Variants in CHST11 observed in about 807,000 individuals in gnomAD.
CHST11 encodes carbohydrate sulfotransferase 11, also known as C4S-1.
In CHST11, 9 loss-of-function variants were observed where a neutral mutation model predicts 30.4. That is an observed-to-expected ratio of 0.30 (90% CI 0.18 to 0.52). CHST11 has a LOEUF of 0.52. Among genes scored for constraint, CHST11 ranks in the 20% least tolerant of loss-of-function variants. The probability of loss-of-function intolerance (pLI) is 0.97; values close to 1 mark genes in which losing one functional copy is unlikely to be tolerated. For synonymous variants in CHST11, 152 were observed against 187.8 expected, an observed-to-expected ratio of 0.81 and a Z score of 1.56; for missense variants, 348 against 460.6, an observed-to-expected ratio of 0.76 and a Z score of 2.24.
At chr12:104,754,436 C>T (rs2040458682) in intron 2 of CHST11, among the ~76,000 whole-genome samples, 1 of 152,172 alleles carries the variant, frequency 6.6e-6, no homozygotes, top group African/African-American at 2.4e-5. Context: ...GCAGTTGGTG[C>T]TGGTCTGCAG....
intron 2 of CHST11, among the ~76,000 whole-genome samples, chr12:104,628,191 C>A (rs1401735295): frequency 1.3e-5 from 2 of 152,198 alleles, no homozygotes; most frequent in Non-Finnish European, 2.9e-5. Context: ...CGCCATTAAA[C>A]CCGAGGTCAG....
At chr12:104,493,801 G>A (rs1236582832) in intron 1 of CHST11, among the ~76,000 whole-genome samples, 1 of 152,220 alleles carries the variant, frequency 6.6e-6, no homozygotes, top group Non-Finnish European at 1.5e-5. Context: ...GCTGCCTGTG[G>A]TATCACATGT....
intron 1 of CHST11, 131 bp downstream of exon 1, chr12:104,457,660 A>G (rs1182181847): frequency 8.2e-6 from 6 of 734,036 alleles, no homozygotes; most frequent in Non-Finnish European, 1.5e-5. Flanking sequence ...CTGGCTGCCC[A>G]GAGCTCCTGG....
At chr12:104,572,664 T>C (rs1025300444) in intron 1 of CHST11, among the ~76,000 whole-genome samples, 4 of 152,200 alleles carry the variant, frequency 2.6e-5, no homozygotes, top group African/African-American at 9.6e-5. Flanking sequence ...TTAAAAAAAC[T>C]AGCTCCTGGA....
chr12:104,649,469 A>G (rs1024408865), intron 2 of CHST11, among the ~76,000 whole-genome samples: 3 of 152,196 alleles, frequency 2.0e-5, no homozygotes, highest in Admixed American at 1.3e-4. Flanking sequence ...GGAAAGGCTC[A>G]GTATCTGCCT....
At chr12:104,540,315 A>T (rs1040117524) in intron 1 of CHST11, among the ~76,000 whole-genome samples, 12 of 152,230 alleles carry the variant, frequency 7.9e-5, no homozygotes, top group African/African-American at 2.4e-4. Flanking sequence ...TAAAATTTTT[A>T]AAATTGTAAT....
At chr12:104,532,072 T>C (rs1325176051) in intron 1 of CHST11, among the ~76,000 whole-genome samples, 1 of 152,216 alleles carries the variant, frequency 6.6e-6, no homozygotes, top group African/African-American at 2.4e-5. Flanking sequence ...ACATCATGTG[T>C]TGGTCTCATC....
At chr12:104,634,187 G>A (rs567660951) in intron 2 of CHST11, among the ~76,000 whole-genome samples, 1 of 152,292 alleles carries the variant, frequency 6.6e-6, no homozygotes, top group South Asian at 2.1e-4. Flanking sequence ...CCACTAGACT[G>A]GAAGCTCCAT....
At chr12:104,475,671 T>TATATATATATAC (rs1173452096) in intron 1 of CHST11, among the ~76,000 whole-genome samples, 41 of 74,182 alleles carry the variant, frequency 5.5e-4, no homozygotes, top group African/African-American at 2.3e-3. Context: ...TATATATATA[T>TATATATATATAC]ATATATATAT....
intron 1 of CHST11, among the ~76,000 whole-genome samples, chr12:104,556,143 C>T (rs949502405): frequency 1.3e-5 from 2 of 152,166 alleles, no homozygotes; most frequent in Non-Finnish European, 2.9e-5. Flanking sequence ...GCAGCTGATG[C>T]TTGTTTATTT....
intron 2 of CHST11, among the ~76,000 whole-genome samples, chr12:104,748,844 C>T (rs1450990144): frequency 6.6e-6 from 1 of 152,156 alleles, no homozygotes; most frequent in East Asian, 1.9e-4. Flanking sequence ...GTCAGAAATT[C>T]TGGGAGGAGA....
At chr12:104,658,811 C>A (rs550862920) in intron 2 of CHST11, among the ~76,000 whole-genome samples, 2 of 152,302 alleles carry the variant, frequency 1.3e-5, no homozygotes, top group African/African-American at 2.4e-5. Context: ...TTTTTATTAA[C>A]TCATGTAATC....
At chr12:104,510,105 C>T (rs1223912274) in intron 1 of CHST11, among the ~76,000 whole-genome samples, 1 of 152,228 alleles carries the variant, frequency 6.6e-6, no homozygotes, top group Non-Finnish European at 1.5e-5. Context: ...CACTTCTTCT[C>T]CCATTCCACT....
intron 1 of CHST11, among the ~76,000 whole-genome samples, chr12:104,597,045 T>G (rs2038912579): frequency 6.6e-6 from 1 of 152,178 alleles, no homozygotes; most frequent in South Asian, 2.1e-4. Flanking sequence ...CCAGCAGCAC[T>G]GAGAGGGGTC....
At chr12:104,616,760 G>A (rs570335745) in intron 2 of CHST11, among the ~76,000 whole-genome samples, 10 of 152,248 alleles carry the variant, frequency 6.6e-5, no homozygotes, top group Non-Finnish European at 1.2e-4. Flanking sequence ...CACTGTGCCC[G>A]GCCAGGAAAC....
chr12:104,560,967 G>T (rs1287133459), intron 1 of CHST11, among the ~76,000 whole-genome samples: 2 of 152,188 alleles, frequency 1.3e-5, no homozygotes, highest in African/African-American at 4.8e-5. Flanking sequence ...CATAACCTGG[G>T]AGAAGAGTGC....
At chr12:104,497,390 C>T (rs996422395) in intron 1 of CHST11, among the ~76,000 whole-genome samples, 5 of 152,136 alleles carry the variant, frequency 3.3e-5, no homozygotes, top group African/African-American at 1.2e-4. Flanking sequence ...GTCTGCAGGC[C>T]GAAGAGAAAG....
chr12:104,525,053 C>A (rs2038110735), intron 1 of CHST11, among the ~76,000 whole-genome samples: 1 of 151,230 alleles, frequency 6.6e-6, no homozygotes. Flanking sequence ...AAGATCAAAT[C>A]TTATGACTGT....
intron 2 of CHST11, among the ~76,000 whole-genome samples, chr12:104,745,329 G>A (rs527696304): frequency 3.9e-5 from 6 of 152,126 alleles, no homozygotes; most frequent in Admixed American, 1.3e-4. Flanking sequence ...GTACCATGCC[G>A]TTTCGGTTAC....
Sources: allele counts gnomAD v4.1 joint callset (sites outside exome capture counted in the v4.1 genomes callset), GRCh38; gene constraint gnomAD v4.1.1; transcripts MANE v1.5; gene names NCBI Gene and HGNC (gene_info 2026-07-23, HGNC 2026-07-21).